Variants in PTPRD observed in about 807,000 individuals in gnomAD.
The protein encoded by PTPRD is protein tyrosine phosphatase receptor type D.
Under a neutral mutation model 214.5 loss-of-function variants are expected in PTPRD, and 34 were observed. The ratio of observed to expected loss-of-function variants is 0.16; its 90% CI spans 0.12 to 0.21. The LOEUF (loss-of-function observed/expected upper bound fraction) is 0.21, where lower values mean the gene tolerates loss of function less well. PTPRD is among the 10% of genes least tolerant of loss of function. The pLI is 1.00. For missense variants in PTPRD, 2,545 were observed against 2,398.7 expected, an observed-to-expected ratio of 1.06 and a Z score of -1.27; for synonymous variants, 1,128 against 845.7, an observed-to-expected ratio of 1.33 and a Z score of -5.79.
intron 44 of PTPRD, among the ~76,000 whole-genome samples, chr9:8,323,648 G>C (rs1830686253): frequency 1.3e-5 from 2 of 152,162 alleles, no homozygotes; most frequent in South Asian, 4.1e-4. Context: ...CAGGAGATGG[G>C]ACTGAACTGC....
intron 14 of PTPRD, among the ~76,000 whole-genome samples, chr9:8,536,838 T>C (rs1443939857): frequency 1.3e-5 from 2 of 152,004 alleles, no homozygotes; most frequent in Non-Finnish European, 2.9e-5. Flanking sequence ...CAAAGCTTTA[T>C]CTGGACAGGG....
At chr9:10,202,671 G>T (rs376287036) in intron 3 of PTPRD, among the ~76,000 whole-genome samples, 13 of 113,116 alleles carry the variant, frequency 1.1e-4, no homozygotes, top group African/African-American at 1.8e-4. Context: ...AAATTATATG[G>T]ATATATATAT....
At chr9:8,331,768 A>AAGGAAGACGCCAGGAGGATTC in intron 43 of PTPRD, 32 bp from the exon 44 acceptor site, 1 of 1,545,038 alleles carries the variant, frequency 6.5e-7, no homozygotes, top group Non-Finnish European at 8.7e-7. Context: ...CCCGGCCGCA[A>AAGGAAGACGCCAGGAGGATTC]AGGAAGACGC....
In PTPRD at chr9:9,615,012, G is replaced by A. The variant is rs2094769063; in HGVS notation, c.-286-40231C>T. Among the ~76,000 whole-genome samples the A allele has an allele frequency of 3.3e-5, 5 of 152,212 alleles. No individual in the cohort carries two copies. The South Asian group carries it at 1.0e-3, about 32-fold the overall frequency. ...CTGGGGAGAAATTGCAGGAGGAAGGGGCTTCCTGCAATTTCCAGCCCAGGC... is the reference window on the plus strand; with the variant it reads ...CTGGGGAGAAATTGCAGGAGGAAGGAGCTTCCTGCAATTTCCAGCCCAGGC... On this transcript the variant is annotated intron_variant, in intron 7 of 45. Coordinates refer to ENST00000381196, the MANE Select transcript of PTPRD (RefSeq NM_002839.4).
intron 11 of PTPRD, among the ~76,000 whole-genome samples, chr9:8,764,576 T>A (rs1346206651): frequency 3.3e-5 from 5 of 151,962 alleles, no homozygotes; most frequent in Admixed American, 6.6e-5. Flanking sequence ...GGTGGGTGGA[T>A]CACAAGGTCA....
At position 8,798,104 on chromosome 9, in the gene PTPRD, T is replaced by G. The variant is rs372434482; in HGVS notation, c.-103-64158A>C. Reference sequence around the variant, plus strand: ...TGCTTTATAGAATGGAATTCTCTCCTTTTTTACTTCATTATATGATAATTA... The same window carrying G: ...TGCTTTATAGAATGGAATTCTCTCCGTTTTTACTTCATTATATGATAATTA... On this transcript the variant is annotated intron_variant, in intron 11 of 45. Transcript: ENST00000381196. Among the ~76,000 whole-genome samples the G allele has an allele frequency of 1.9e-4, 29 of 152,282 alleles. No individual in the cohort carries two copies. The South Asian group carries it at 5.6e-3, about 29-fold the overall frequency.
intron 4 of PTPRD, among the ~76,000 whole-genome samples, chr9:10,018,469 GC>G (rs1475514610): frequency 5.4e-4 from 77 of 143,140 alleles, no homozygotes; most frequent in African/African-American, 1.7e-3. Flanking sequence ...TATTTTTTAA[GC>G]TTTTAAAAAT....
intron 3 of PTPRD, among the ~76,000 whole-genome samples, chr9:10,305,232 C>T (rs917845714): frequency 1.1e-4 from 16 of 151,998 alleles, no homozygotes; most frequent in African/African-American, 3.9e-4. Context: ...GGATCCCTTG[C>T]TTACACCTTA....
chr9:8,812,487 G>T (rs563744516), intron 11 of PTPRD, among the ~76,000 whole-genome samples: 1 of 152,138 alleles, frequency 6.6e-6, no homozygotes, highest in African/African-American at 2.4e-5. Context: ...CTCTCAAAGG[G>T]AGAAATAATT....
chr9:9,585,765 T>A (rs1027338100), intron 7 of PTPRD, among the ~76,000 whole-genome samples: 19 of 152,118 alleles, frequency 1.2e-4, no homozygotes, highest in African/African-American at 4.6e-4. Context: ...TATTTGCAGT[T>A]GGCTATAGCA....
intron 3 of PTPRD, among the ~76,000 whole-genome samples, chr9:10,145,821 A>G (rs772549625): frequency 2.5e-4 from 38 of 152,232 alleles, no homozygotes; most frequent in Middle Eastern, 3.4e-3. Flanking sequence ...ATAAAATATG[A>G]TGGTAGAAAA....
chr9:10,503,697 G>A (rs943674199), intron 2 of PTPRD, among the ~76,000 whole-genome samples: 1 of 151,942 alleles, frequency 6.6e-6, no homozygotes, highest in African/African-American at 2.4e-5. Context: ...ACTTTAGTAG[G>A]CCAGATTAAA....
At chr9:9,983,413 A>C (rs897787164) in intron 4 of PTPRD, among the ~76,000 whole-genome samples, 1 of 152,250 alleles carries the variant, frequency 6.6e-6, no homozygotes, top group Non-Finnish European at 1.5e-5. Flanking sequence ...GATGGGAAAA[A>C]CAGAACAAAC....
intron 5 of PTPRD, among the ~76,000 whole-genome samples, chr9:9,783,020 T>C (rs2098869646): frequency 6.6e-6 from 1 of 152,204 alleles, no homozygotes; most frequent in South Asian, 2.1e-4. Flanking sequence ...CATCATGGAA[T>C]TTATTATTCT....
rs576619744 is a variant in PTPRD at position 8,954,319 on chromosome 9, A to T, written c.-104+64378T>A. Among the ~76,000 whole-genome samples, 4 of 152,018 alleles carry T rather than the reference A, an allele frequency of 2.6e-5. No homozygotes were observed. The South Asian group carries it at 8.3e-4, about 31-fold the overall frequency. ...AAGTACACATGAACATAAAAAAAGGAGCAAAAGACGCTGGGGACTACTACA... is the reference window on the plus strand; with the variant it reads ...AAGTACACATGAACATAAAAAAAGGTGCAAAAGACGCTGGGGACTACTACA... On this transcript the variant is annotated intron_variant, in intron 11 of 45. Coordinates refer to ENST00000381196, the MANE Select transcript of PTPRD (RefSeq NM_002839.4).
chr9:9,128,724 A>C (rs1461356397), intron 10 of PTPRD, among the ~76,000 whole-genome samples: 2 of 152,224 alleles, frequency 1.3e-5, no homozygotes, highest in African/African-American at 4.8e-5. Flanking sequence ...GATTAGATAA[A>C]AGTGGAGTTT....
intron 10 of PTPRD, among the ~76,000 whole-genome samples, chr9:9,047,304 A>G (rs2099674629): frequency 6.6e-6 from 1 of 152,146 alleles, no homozygotes; most frequent in Admixed American, 6.6e-5. Context: ...GGAAGAATCA[A>G]TACTCTTAAA....
chr9:9,997,087 G>A (rs2096148028), intron 4 of PTPRD, among the ~76,000 whole-genome samples: 1 of 152,090 alleles, frequency 6.6e-6, no homozygotes, highest in African/African-American at 2.4e-5. Context: ...AGAAAACAAT[G>A]TCCAAATAAT....
chr9:9,192,019 C>A (rs1210066439), intron 9 of PTPRD, among the ~76,000 whole-genome samples: 1 of 151,954 alleles, frequency 6.6e-6, no homozygotes, highest in African/African-American at 2.4e-5. Flanking sequence ...AATTCCTGTA[C>A]TGCTTCTGAA....
Sources: gnomAD v4.1 joint callset for allele counts (sites outside exome capture counted in the v4.1 genomes callset) on GRCh38, gnomAD v4.1.1 for gene constraint, MANE v1.5 for transcripts, NCBI Gene and HGNC (gene_info 2026-07-23, HGNC 2026-07-21) for gene names.